Variants in TRIP11 observed in about 807,000 individuals in gnomAD.
The protein encoded by TRIP11 is thyroid receptor-interacting protein 11.
TRIP11 carries 148 observed loss-of-function variants against 223.1 expected under a neutral mutation model. That is an observed-to-expected ratio of 0.66 (90% CI 0.58 to 0.76). TRIP11 has a LOEUF of 0.76. TRIP11 is among the 30% of genes least tolerant of loss of function. The probability of loss-of-function intolerance (pLI) is 0.00; values close to 1 mark genes in which losing one functional copy is unlikely to be tolerated. For synonymous variants in TRIP11, 762 were observed against 772.6 expected, an observed-to-expected ratio of 0.99 and a Z score of 0.23; for missense variants, 2,043 against 2,222.0, an observed-to-expected ratio of 0.92 and a Z score of 1.62.
chr14:91,984,317 CTTTT>C (rs138601782), intron 16 of TRIP11, among the ~76,000 whole-genome samples: 6 of 127,912 alleles, frequency 4.7e-5, no homozygotes, highest in Non-Finnish European at 4.9e-5. Flanking sequence ...TTTTTCTTTT[CTTTT>C]TTTTTTTTTT....
chr14:92,039,638 C>A lies in TRIP11; in HGVS notation c.48G>T (p.Leu16=). Residue 16 remains leucine, a synonymous_variant, in exon 1 of 21, where the codon CTG becomes CTT. Coordinates refer to ENST00000267622, the MANE Select transcript of TRIP11 (RefSeq NM_004239.4). The stretch of plus-strand genomic sequence containing the variant: ...AAGCCAGGCTGCCCCCGACTTGACC[C>A]AGAGACTGGCCCAATCCGGAGCCGA... ...GGLGSGLGQS[L]GQVGGSLASL... 1.2e-6 allele frequency: 2 copies of A among 1,612,610 alleles called. No homozygotes were observed. The highest frequency in any genetic ancestry group is 1.7e-6 in the Non-Finnish European group (2 of 1,179,454).
chr14:91,973,801 C>T (rs574007082), intron 19 of TRIP11, among the ~76,000 whole-genome samples: 3 of 152,154 alleles, frequency 2.0e-5, no homozygotes, highest in East Asian at 1.9e-4. Context: ...CTGAGGTGGG[C>T]GGACCACGAG....
intron 2 of TRIP11, chr14:92,026,713 G>A: frequency 2.0e-6 from 2 of 1,015,160 alleles, no homozygotes; most frequent in Non-Finnish European, 1.6e-6. Flanking sequence ...TGAAGTAGAT[G>A]AAGAACAGGA....
chr14:92,016,614 G>A (rs1279952424), intron 5 of TRIP11, among the ~76,000 whole-genome samples: 1 of 151,892 alleles, frequency 6.6e-6, no homozygotes, highest in Non-Finnish European at 1.5e-5. Flanking sequence ...CAGAAAAATT[G>A]ATGCTCTTAT....
intron 16 of TRIP11, among the ~76,000 whole-genome samples, chr14:91,983,898 C>T (rs1033687476): frequency 2.0e-5 from 3 of 152,162 alleles, no homozygotes; most frequent in African/African-American, 7.2e-5. Context: ...CCATCCAGCA[C>T]CGTAAAGGTA....
At chr14:92,029,484 TG>T (rs1399135429) in intron 2 of TRIP11, among the ~76,000 whole-genome samples, 1 of 151,758 alleles carries the variant, frequency 6.6e-6, no homozygotes, top group Non-Finnish European at 1.5e-5. Flanking sequence ...TTTGTAGAGA[TG>T]GGGTTTCACC....
rs1480388532 is a variant in TRIP11, at chr14:91,967,419, G to A, written c.*2254C>T. On this transcript the variant is annotated 3_prime_UTR_variant, in exon 21 of 21. Transcript: ENST00000267622. Reference sequence around the variant, plus strand: ...CTCCCAAAGTTCTGGGATTACAGGCGTGAGCCACTGTGCCCGGCCAGTATT... The same window carrying A: ...CTCCCAAAGTTCTGGGATTACAGGCATGAGCCACTGTGCCCGGCCAGTATT... 4.4e-5 allele frequency: 8 copies of A among 182,288 alleles called. No individual in the cohort carries two copies. The highest frequency in any genetic ancestry group is 8.2e-5 in the Non-Finnish European group (7 of 85,726). The allele number at this position is 182,288 out of a possible 1,614,324, so 11.3% of individuals were successfully genotyped here.
intron 15 of TRIP11, among the ~76,000 whole-genome samples, chr14:91,989,739 C>A (rs2056649956): frequency 6.6e-6 from 1 of 151,868 alleles, no homozygotes; most frequent in South Asian, 2.1e-4. Context: ...TAATCAAAGT[C>A]CTTAATCAGT....
intron 15 of TRIP11, among the ~76,000 whole-genome samples, chr14:91,991,426 T>C (rs1227692863): frequency 6.6e-6 from 1 of 152,206 alleles, no homozygotes; most frequent in Admixed American, 6.5e-5. Context: ...AGACACTTCC[T>C]ACCCATCAGA....
intron 1 of TRIP11, among the ~76,000 whole-genome samples, chr14:92,038,480 G>A (rs1173021544): frequency 6.6e-6 from 1 of 152,134 alleles, no homozygotes; most frequent in African/African-American, 2.4e-5. Flanking sequence ...ACGTAAAGCG[G>A]TAAAATGGAT....
intron 15 of TRIP11, among the ~76,000 whole-genome samples, chr14:91,990,171 T>G (rs1035806061): frequency 6.8e-6 from 1 of 146,432 alleles, no homozygotes; most frequent in Non-Finnish European, 1.5e-5. Context: ...CTGATTGATA[T>G]ATAGAGGGAA....
chr14:92,017,098 G>A (rs909886987), intron 5 of TRIP11, among the ~76,000 whole-genome samples: 4 of 151,992 alleles, frequency 2.6e-5, no homozygotes, highest in Non-Finnish European at 5.9e-5. Flanking sequence ...CCTGCAATTA[G>A]GTTTTAATAA....
rs965040219 is a variant in TRIP11, at chr14:92,017,810, C to G, written c.589-60G>C. On this transcript the variant is annotated intron_variant, in intron 4 of 20. Transcript: ENST00000267622. ...ACTGATTTTCTTGTCAACAGAAAGTCACAAACTAACTTCATTACAAGAATA... is the reference window on the plus strand; with the variant it reads ...ACTGATTTTCTTGTCAACAGAAAGTGACAAACTAACTTCATTACAAGAATA... The G allele has an allele frequency of 8.0e-5, 112 of 1,398,484 alleles. 2 individuals carry two copies. In the African/African-American group the frequency reaches 1.4e-3, roughly 18 times the overall value. The allele number at this position is 1,398,484 out of a possible 1,614,324, so 86.6% of individuals were successfully genotyped here. A position where few individuals can be genotyped will look rare whatever the true frequency, so the allele number is the denominator to read the frequency against.
At chr14:92,006,489 C>A (rs1382138203) in intron 10 of TRIP11, 41 bp from the exon 11 acceptor site, 2 of 1,601,136 alleles carry the variant, frequency 1.2e-6, no homozygotes, top group Non-Finnish European at 8.5e-7. Context: ...AACATGTTCT[C>A]ATTTTAGTAC....
Position 92,004,738 on chromosome 14 carries a change from G to A in TRIP11, c.3238C>T (p.His1080Tyr), listed in dbSNP as rs775471459. 6.2e-7 allele frequency: 1 copy of A among 1,614,078 alleles called. No individual in the cohort carries two copies. Among genetic ancestry groups the A allele is most frequent in the Non-Finnish European group, 8.5e-7 (1 of 1,180,010 alleles). Reference protein sequence around the residue: ...ALHARISSTSHTQDVVYLQQQ... With the variant: ...ALHARISSTSYTQDVVYLQQQ... ...TGAAGGTAAACAACATCTTGAGTAT[G>A]GGAAGTTGAAGAAATTCTAGCATGA... is the stretch of plus-strand genomic sequence containing the variant. The change falls in exon 11 of 21, where the codon CAT becomes TAT. Residue 1080 changes from histidine (H) to tyrosine (Y), a missense_variant. Physicochemically the swap from His to Tyr is moderately conservative, Grantham distance 83. Transcript: ENST00000267622.
intron 15 of TRIP11, among the ~76,000 whole-genome samples, chr14:91,993,498 A>G (rs544739751): frequency 1.4e-3 from 204 of 151,104 alleles, no homozygotes; most frequent in South Asian, 2.9e-3. Context: ...AAAAAAAAAA[A>G]AGAGAGAAAA....
At position 92,014,392 on chromosome 14, in the gene TRIP11, CTTG is replaced by C; in HGVS notation, c.1006_1008del (p.Gln336del). The C allele has an allele frequency of 6.2e-7, 1 of 1,613,506 alleles. No individual in the cohort carries two copies. Among genetic ancestry groups the C allele is most frequent in the Non-Finnish European group, 8.5e-7 (1 of 1,179,852 alleles). On this transcript the variant is annotated inframe_deletion, in exon 7 of 21. Coordinates refer to ENST00000267622, the MANE Select transcript of TRIP11 (RefSeq NM_004239.4). ...TGTCTCTTTTCCACATTTAGCTGTT[CTTG>C]TTCTCTCCTCAAAATATCTCTGTCA... is the stretch of plus-strand genomic sequence containing the variant.
chr14:91,986,409 A>G (rs539974562), intron 16 of TRIP11, among the ~76,000 whole-genome samples: 10 of 152,248 alleles, frequency 6.6e-5, no homozygotes, highest in African/African-American at 2.4e-4. Flanking sequence ...AAAATCCAAA[A>G]TCCAAAATGC....
intron 1 of TRIP11, among the ~76,000 whole-genome samples, chr14:92,036,877 G>T (rs1326263066): frequency 6.6e-6 from 1 of 152,080 alleles, no homozygotes; most frequent in Admixed American, 6.5e-5. Flanking sequence ...TGAGACTACA[G>T]GCACATGCAG....
Sources: allele counts gnomAD v4.1 joint callset (sites outside exome capture counted in the v4.1 genomes callset), GRCh38; gene constraint gnomAD v4.1.1; transcripts MANE v1.5; gene names NCBI Gene and HGNC (gene_info 2026-07-23, HGNC 2026-07-21).